PCSK5: variants seen among roughly 807,000 people sequenced by gnomAD.
PCSK5 encodes prohormone convertase 5.
Under a neutral mutation model 233.2 loss-of-function variants are expected in PCSK5, and 129 were observed. The observed-to-expected ratio is 0.55, with a 90% CI of 0.48 to 0.64. The LOEUF (loss-of-function observed/expected upper bound fraction) is 0.64, where lower values mean the gene tolerates loss of function less well. Among genes scored for constraint, PCSK5 ranks in the 30% least tolerant of loss-of-function variants. The pLI is 0.00. For missense variants in PCSK5, 2,076 were observed against 2,430.1 expected (o/e 0.85, Z 3.06); for synonymous variants, 825 against 879.2 (o/e 0.94, Z 1.09).
At chr9:76,204,504 C>G (rs7848692) in intron 20 of PCSK5, among the ~76,000 whole-genome samples, 53,700 of 150,974 alleles carry the variant, frequency 0.36, 9,947 homozygotes, top group African/African-American at 0.39. Context: ...CTCTCTCCCC[C>G]CTTCTCTGGC....
At chr9:76,167,325 T>A (rs1384076190) in intron 12 of PCSK5, among the ~76,000 whole-genome samples, 1 of 152,220 alleles carries the variant, frequency 6.6e-6, no homozygotes, top group Admixed American at 6.5e-5. Context: ...TGGAAATTGA[T>A]AAAACACATT....
At chr9:75,976,319 C>G (rs901763843) in intron 2 of PCSK5, among the ~76,000 whole-genome samples, 3 of 144,038 alleles carry the variant, frequency 2.1e-5, no homozygotes, top group Non-Finnish European at 4.6e-5. Context: ...CACACACACA[C>G]ACACCTTTTT....
chr9:76,004,033 G>A (rs74942045), intron 3 of PCSK5, among the ~76,000 whole-genome samples: 2,277 of 152,198 alleles, frequency 0.015, 50 homozygotes, highest in African/African-American at 0.051. Flanking sequence ...CCTGGCCTCA[G>A]GTGATCCTCC....
At chr9:76,114,854 A>G (rs576992336) in intron 9 of PCSK5, among the ~76,000 whole-genome samples, 1 of 152,226 alleles carries the variant, frequency 6.6e-6, no homozygotes, top group East Asian at 1.9e-4. Context: ...AATGTTGGAA[A>G]TGTCTCATGT....
At chr9:76,351,447 G>GAAAGGAAAGAGAAAGAAAGAAAGAAA in intron 36 of PCSK5, among the ~76,000 whole-genome samples, 1 of 27,472 alleles carries the variant, frequency 3.6e-5, no homozygotes, top group South Asian at 2.0e-3. Context: ...GTGAAAGAAA[G>GAAAGGAAAGAGAAAGAAAGAAAGAAA]GAAAGAAAGA....
chr9:76,272,548 G>A (rs1399096339), intron 24 of PCSK5, among the ~76,000 whole-genome samples: 1 of 151,888 alleles, frequency 6.6e-6, no homozygotes, highest in Non-Finnish European at 1.5e-5. Context: ...GCTGAGACGG[G>A]CGGATCACGA....
intron 2 of PCSK5, among the ~76,000 whole-genome samples, chr9:75,936,746 G>A (rs190793068): frequency 4.6e-5 from 7 of 152,176 alleles, no homozygotes; most frequent in African/African-American, 1.7e-4. Context: ...TGTTAATATT[G>A]CTATTTTGAC....
intron 2 of PCSK5, among the ~76,000 whole-genome samples, chr9:75,959,667 C>T (rs1235920202): frequency 6.6e-6 from 1 of 152,198 alleles, no homozygotes; most frequent in Non-Finnish European, 1.5e-5. Context: ...TCGGGGCCGA[C>T]TCTGTGGCCA....
intron 27 of PCSK5, among the ~76,000 whole-genome samples, chr9:76,297,405 G>C (rs1207979957): frequency 6.6e-6 from 1 of 152,246 alleles, no homozygotes; most frequent in East Asian, 1.9e-4. Flanking sequence ...GCCTTTAAAA[G>C]TTGCTCTTCC....
chr9:76,309,973 A>C (rs1285696732), intron 29 of PCSK5, among the ~76,000 whole-genome samples: 5 of 152,090 alleles, frequency 3.3e-5, no homozygotes, highest in Admixed American at 2.6e-4. Context: ...GAAGAGTTGT[A>C]ACTCTGGGCC....
intron 8 of PCSK5, among the ~76,000 whole-genome samples, chr9:76,101,031 A>G (rs1248866559): frequency 6.6e-6 from 1 of 151,888 alleles, no homozygotes; most frequent in South Asian, 2.1e-4. Context: ...ATAGAGGCAC[A>G]CCCCTCCACC....
intron 2 of PCSK5, among the ~76,000 whole-genome samples, chr9:75,934,173 G>T (rs1366248690): frequency 6.9e-6 from 1 of 144,670 alleles, no homozygotes; most frequent in African/African-American, 2.5e-5. Context: ...TGGGGCCATT[G>T]CAGGCCAGCC....
chr9:76,129,804 G>A (rs144097062), intron 9 of PCSK5, among the ~76,000 whole-genome samples: 2 of 152,088 alleles, frequency 1.3e-5, no homozygotes, highest in African/African-American at 2.4e-5. Context: ...GAGATGTCCT[G>A]CTTCTTCTAA....
chr9:76,114,250 C>T (rs1832337328), intron 9 of PCSK5, among the ~76,000 whole-genome samples: 1 of 152,106 alleles, frequency 6.6e-6, no homozygotes, highest in Non-Finnish European at 1.5e-5. Flanking sequence ...GCCTAGCGGA[C>T]AGAGAAGGGA....
At chr9:76,026,036 A>T (rs1419829493) in intron 4 of PCSK5, among the ~76,000 whole-genome samples, 1 of 152,150 alleles carries the variant, frequency 6.6e-6, no homozygotes, top group Non-Finnish European at 1.5e-5. Context: ...TAGGAGATAC[A>T]GGGTATAGTG....
intron 2 of PCSK5, among the ~76,000 whole-genome samples, chr9:75,974,081 CCTT>C (rs1411026830): frequency 6.6e-6 from 1 of 152,154 alleles, no homozygotes; most frequent in African/African-American, 2.4e-5. Context: ...TTTTCTCTCT[CCTT>C]CTCTGAGCCT....
chr9:76,273,576 C>CATATATATATATAT (rs34398269), intron 24 of PCSK5, among the ~76,000 whole-genome samples: 57 of 118,152 alleles, frequency 4.8e-4, no homozygotes, highest in African/African-American at 1.7e-3. Flanking sequence ...TATATATATA[C>CATATATATATATAT]ATATATATAT....
At chr9:75,890,498 C>T (rs1451765337), upstream of PCSK5, 4 of 152,270 alleles carry the variant, frequency 2.6e-5, no homozygotes, top group African/African-American at 4.8e-5. Context: ...CTTTACTGCC[C>T]GGAACCCTGG....
Position 76,321,447 on chromosome 9 carries a change from T to A in PCSK5, c.3910T>A (p.Cys1304Ser). ...PEGSYAEDGI[C>S]ERCSSPCRTC... Reference sequence around the variant, plus strand: ...GGGCTCTTATGCAGAAGACGGCATATGTGAACGCTGTAGCTCTCCTTGCAG... The same window carrying A: ...GGGCTCTTATGCAGAAGACGGCATAAGTGAACGCTGTAGCTCTCCTTGCAG... The change falls in exon 31 of 38, where the codon TGT (cysteine) becomes AGT (serine). Residue 1304 changes from cysteine to serine, a missense_variant. Cys to Ser is a moderately radical substitution (Grantham distance 112). This residue lies in a region of PCSK5 where 1,510 missense variants were observed against 1,538.1 expected (regional missense o/e 0.98). Coordinates refer to ENST00000674117, the MANE Select transcript of PCSK5 (RefSeq NM_001372043.1). The A allele has an allele frequency of 6.2e-7, 1 of 1,607,088 alleles. No individual in the cohort carries two copies. Among genetic ancestry groups the A allele is most frequent in the Non-Finnish European group, 8.5e-7 (1 of 1,174,792 alleles).
Sources: gnomAD v4.1 joint callset for allele counts (sites outside exome capture counted in the v4.1 genomes callset) on GRCh38, gnomAD v4.1.1 for gene constraint, gnomAD v4.1.1 regional missense constraint, MANE v1.5 for transcripts, NCBI Gene and HGNC (gene_info 2026-07-23, HGNC 2026-07-21) for gene names.